Variants in TMEM200C observed in about 807,000 individuals in gnomAD.
The protein encoded by TMEM200C is transmembrane protein TTMA.
For missense variants in TMEM200C, 966 were observed against 699.9 expected, an observed-to-expected ratio of 1.38 and a Z score of -4.29; for synonymous variants, 462 against 324.7, an observed-to-expected ratio of 1.42 and a Z score of -4.55.
exon 3 of TMEM200C, chr18:5,890,609 C>T: frequency 4.5e-6 from 5 of 1,121,620 alleles, no homozygotes; most frequent in Non-Finnish European, 5.7e-6. Flanking sequence ...AGGGCGGGGG[C>T]TCGGGGGACG....
chr18:5,888,427 ATTCACTC>A (rs2095167077), exon 3 of TMEM200C: 1 of 152,216 alleles, frequency 6.6e-6, no homozygotes, highest in African/African-American at 2.4e-5. Context: ...GACGACGTAT[ATTCACTC>A]TTTGCCAAGT....
chr18:5,890,827 T>G, exon 3 of TMEM200C: 2 of 674,914 alleles, frequency 3.0e-6, no homozygotes, highest in South Asian at 1.5e-5. Context: ...CCCCTCGGGA[T>G]CTCCTGGGAG....
exon 3 of TMEM200C, chr18:5,886,823 T>C (rs950549882): frequency 6.6e-6 from 1 of 152,184 alleles, no homozygotes; most frequent in African/African-American, 2.4e-5. Context: ...CACTATGCTA[T>C]GTTGCCTTAT....
Position 5,891,186 on chromosome 18 carries a change from C to T in TMEM200C, c.878G>A (p.Gly293Asp). Reference sequence around the variant, plus strand: ...GGACGCGGCGCCCCGAGGGCGGCCGCCGCTCGGCGCCGCGGGGTGAGGAGG... The same window carrying T: ...GGACGCGGCGCCCCGAGGGCGGCCGTCGCTCGGCGCCGCGGGGTGAGGAGG... The change falls in exon 3 of 3, where the codon GGC becomes GAC. Residue 293 changes from glycine (G) to aspartate (D), a missense_variant. Coordinates refer to ENST00000581347, the Ensembl canonical transcript of TMEM200C. This position sits in a 1 kb window ranked among gnomAD's most constrained non-coding sequence, Gnocchi z 4.7. 1.1e-6 allele frequency: 1 copy of T among 869,636 alleles called. No individual in the cohort carries two copies. Among genetic ancestry groups the T allele is most frequent in the Non-Finnish European group, 1.5e-6 (1 of 654,940 alleles). The allele number at this position is 869,636 out of a possible 1,614,324, so 53.9% of individuals were successfully genotyped here. A position where few individuals can be genotyped will look rare whatever the true frequency, so the allele number is the denominator to read the frequency against.
Position 5,891,510 on chromosome 18 carries a change from G to A in TMEM200C, c.554C>T (p.Ala185Val), listed in dbSNP as rs769382988. 1.2e-6 allele frequency: 2 copies of A among 1,611,012 alleles called. No individual in the cohort carries two copies. Among genetic ancestry groups the A allele is most frequent in the East Asian group, 2.2e-5 (1 of 44,738 alleles). ...CTTGTCCCGGTTCTCGTGGAGGACC[G>A]CGTTTGCGCAGATGAAGAGGAAGAT... is the stretch of plus-strand genomic sequence containing the variant. The change falls in exon 3 of 3, where the codon GCG becomes GTG. Residue 185 changes from alanine (A) to valine (V), a missense_variant. Physicochemically the swap from Ala to Val is moderately conservative, Grantham distance 64. Coordinates refer to ENST00000581347, the Ensembl canonical transcript of TMEM200C. The surrounding 1 kb of genome is among the most constrained non-coding windows in gnomAD (Gnocchi z 4.7).
exon 3 of TMEM200C, chr18:5,886,445 AGTTCTAT>A (rs2095165413): frequency 6.6e-6 from 1 of 152,152 alleles, no homozygotes; most frequent in African/African-American, 2.4e-5. Flanking sequence ...AGCTCTTGAT[AGTTCTAT>A]GTTCTACCAG....
exon 3 of TMEM200C, chr18:5,892,077 A>C: frequency 6.2e-7 from 1 of 1,607,516 alleles, no homozygotes; most frequent in Non-Finnish European, 8.5e-7. Flanking sequence ...GAGCTCCTGG[A>C]GTGCAGGACT....
Position 5,891,224 on chromosome 18 carries a change from G to A in TMEM200C, c.840C>T (p.Ala280=). The A allele has an allele frequency of 7.8e-7, 1 of 1,279,772 alleles. No homozygotes were observed. The highest frequency in any genetic ancestry group is 1.0e-6 in the Non-Finnish European group (1 of 988,210). 79.3% of individuals were successfully genotyped at this position (1,279,772 alleles called of 1,614,324 possible). A position where few individuals can be genotyped will look rare whatever the true frequency, so the allele number is the denominator to read the frequency against. ...CGGGGTGAGGAGGCCACGAGCCCTTGGCCAGCATCGCCGCCGCTCCGAAGG... is the reference window on the plus strand; with the variant it reads ...CGGGGTGAGGAGGCCACGAGCCCTTAGCCAGCATCGCCGCCGCTCCGAAGG... The change falls in exon 3 of 3, where the codon GCC becomes GCT. Residue 280 remains alanine (A), a synonymous_variant. Coordinates refer to ENST00000581347, the Ensembl canonical transcript of TMEM200C. This position sits in a 1 kb window ranked among gnomAD's most constrained non-coding sequence, Gnocchi z 4.7.
chr18:5,891,232 T>C lies in TMEM200C; in HGVS notation c.832A>G (p.Met278Val). The C allele has an allele frequency of 7.6e-7, 1 of 1,319,398 alleles. No homozygotes were observed. The highest frequency in any genetic ancestry group is 9.8e-7 in the Non-Finnish European group (1 of 1,021,484). The allele number at this position is 1,319,398 out of a possible 1,614,324, so 81.7% of individuals were successfully genotyped here. A position where few individuals can be genotyped will look rare whatever the true frequency, so the allele number is the denominator to read the frequency against. The change falls in exon 3 of 3, where the codon ATG becomes GTG. Residue 278 changes from methionine (M) to valine (V), a missense_variant. Physicochemically the swap from Met to Val is conservative, Grantham distance 21. Transcript: ENST00000581347. This position sits in a 1 kb window ranked among gnomAD's most constrained non-coding sequence, Gnocchi z 4.7. The stretch of plus-strand genomic sequence containing the variant: ...GGAGGCCACGAGCCCTTGGCCAGCA[T>C]CGCCGCCGCTCCGAAGGCGTCCCCG...
chr18:5,890,179 C>T (rs755249763), exon 3 of TMEM200C: 2 of 1,505,302 alleles, frequency 1.3e-6, no homozygotes, highest in Non-Finnish European at 8.9e-7. Flanking sequence ...CTTTCCTCCT[C>T]CCCAACCCAC....
At chr18:5,895,685 G>A (rs1366085812) in intron 1 of TMEM200C, among the ~76,000 whole-genome samples, 163 bp from the exon 1 acceptor site, 1 of 150,068 alleles carries the variant, frequency 6.7e-6, no homozygotes, top group Non-Finnish European at 1.5e-5. Flanking sequence ...CCGATTCCTC[G>A]GGGAGGAGGA....
rs2095170209 is a variant in TMEM200C, at chr18:5,891,020, G to C, written c.1044C>G (p.Ser348Arg). ...TGCAGGGCGCCGGACTGCTGCAGCT[G>C]CTAGCGGCTGCGGCGGCGGTGGCAG... The change falls in exon 3 of 3, where the codon AGC becomes AGG. Residue 348 changes from serine (S) to arginine (R), a missense_variant. Physicochemically the swap from Ser to Arg is moderately radical, Grantham distance 110. Coordinates refer to ENST00000581347, the Ensembl canonical transcript of TMEM200C. This position sits in a 1 kb window ranked among gnomAD's most constrained non-coding sequence, Gnocchi z 4.7. 1 of 579,238 alleles carries C rather than the reference G, an allele frequency of 1.7e-6. No individual in the cohort carries two copies. Among genetic ancestry groups the C allele is most frequent in the Non-Finnish European group, 3.0e-6 (1 of 332,958 alleles). The allele number at this position is 579,238 out of a possible 1,614,324, so 35.9% of individuals were successfully genotyped here. A position where few individuals can be genotyped will look rare whatever the true frequency, so the allele number is the denominator to read the frequency against.
At chr18:5,883,981 A>G (rs1394062058) in exon 3 of TMEM200C, 1 of 152,168 alleles carries the variant, frequency 6.6e-6, no homozygotes, top group African/African-American at 2.4e-5. Flanking sequence ...TGTTAGTTCT[A>G]TGTACTGATA....
In TMEM200C at chr18:5,891,715, G is replaced by A. The variant is rs1484172957; in HGVS notation, c.349C>T (p.Pro117Ser). 1 of 1,613,278 alleles carries A rather than the reference G, an allele frequency of 6.2e-7. No individual in the cohort carries two copies. The highest frequency in any genetic ancestry group is 8.5e-7 in the Non-Finnish European group (1 of 1,179,856). ...GAGTTGACACCCCCTGGAGCCCTAG[G>A]GTGGCTCCTGGACCGGTTTTTGCTG... The change falls in exon 3 of 3, where the codon CCT (proline) becomes TCT (serine). Residue 117 changes from proline (P) to serine (S), a missense_variant. Physicochemically the swap from Pro to Ser is moderately conservative, Grantham distance 74. Transcript: ENST00000581347. This position sits in a 1 kb window ranked among gnomAD's most constrained non-coding sequence, Gnocchi z 4.7.
chr18:5,890,915 G>C (rs1304006334), exon 3 of TMEM200C: 4 of 680,210 alleles, frequency 5.9e-6, no homozygotes, highest in Non-Finnish European at 1.1e-5. Context: ...CCCCTTGCAA[G>C]GGCAGCAGCG....
At chr18:5,890,319 G>A (rs1290411097) in exon 3 of TMEM200C, 5 of 1,604,662 alleles carry the variant, frequency 3.1e-6, no homozygotes, top group South Asian at 2.3e-5. Flanking sequence ...GGCCGTGGGT[G>A]GCTCCTGGCT....
intron 2 of TMEM200C, among the ~76,000 whole-genome samples, chr18:5,892,388 T>G (rs1000043870): frequency 1.3e-5 from 2 of 152,204 alleles, no homozygotes; most frequent in African/African-American, 4.8e-5. Flanking sequence ...ATAACTAATA[T>G]GTGGTGATAA....
exon 3 of TMEM200C, chr18:5,890,756 G>A (rs748030114): frequency 3.3e-6 from 2 of 601,720 alleles, no homozygotes; most frequent in South Asian, 1.8e-5. Context: ...CCGGCTCCCG[G>A]CGCGCCCCGC....
At chr18:5,890,003 C>CT (rs1405293029) in exon 3 of TMEM200C, 5 of 394,178 alleles carry the variant, frequency 1.3e-5, no homozygotes, top group Non-Finnish European at 1.7e-5. Flanking sequence ...GACTAGTTTG[C>CT]TTAAAAAAAA....
Sources: gnomAD v4.1 joint callset for allele counts (sites outside exome capture counted in the v4.1 genomes callset) on GRCh38, gnomAD v4.1.1 for gene constraint, Gnocchi (gnomAD v3.1) non-coding constraint, MANE v1.5 for transcripts, NCBI Gene and HGNC (gene_info 2026-07-23, HGNC 2026-07-21) for gene names.